Variants in TBC1D5 observed in about 807,000 individuals in gnomAD.
TBC1D5 encodes TBC1 domain family member 5, also known as TBC1 domain family, member 5.
In TBC1D5, 75 loss-of-function variants were observed where a neutral mutation model predicts 100.3. That is an observed-to-expected ratio of 0.75 (90% CI 0.62 to 0.91). The LOEUF (loss-of-function observed/expected upper bound fraction) is 0.91. Among genes scored for constraint, TBC1D5 ranks in the 40% least tolerant of loss-of-function variants. The probability of loss-of-function intolerance (pLI) is 0.00; values close to 1 mark genes in which losing one functional copy is unlikely to be tolerated. For synonymous variants in TBC1D5, 323 were observed against 325.6 expected, an observed-to-expected ratio of 0.99 and a Z score of 0.09; for missense variants, 910 against 942.4, an observed-to-expected ratio of 0.97 and a Z score of 0.45.
intron 1 of TBC1D5, among the ~76,000 whole-genome samples, chr3:17,627,660 G>GTT (rs796752243): frequency 2.5e-4 from 36 of 145,604 alleles, no homozygotes; most frequent in Admixed American, 2.2e-3. Context: ...AATATTCTGG[G>GTT]TTTTTTTTTT....
chr3:17,645,175 T>C (rs1294826265), intron 1 of TBC1D5, among the ~76,000 whole-genome samples: 1 of 152,118 alleles, frequency 6.6e-6, no homozygotes, highest in African/African-American at 2.4e-5. Flanking sequence ...GAAATGTCTA[T>C]TGGAGTAGAG....
At chr3:17,553,055 T>C (rs1324812063) in intron 2 of TBC1D5, among the ~76,000 whole-genome samples, 1 of 152,144 alleles carries the variant, frequency 6.6e-6, no homozygotes, top group Non-Finnish European at 1.5e-5. Context: ...ATTGACTACA[T>C]GATAGGTGTT....
chr3:17,363,840 G>A (rs1179877098), intron 13 of TBC1D5, among the ~76,000 whole-genome samples: 1 of 151,428 alleles, frequency 6.6e-6, no homozygotes, highest in African/African-American at 2.4e-5. Context: ...CCAAATTTAG[G>A]ACTCTATATA....
At chr3:17,651,526 T>C (rs939459543) in intron 1 of TBC1D5, among the ~76,000 whole-genome samples, 2 of 152,152 alleles carry the variant, frequency 1.3e-5, no homozygotes, top group Non-Finnish European at 2.9e-5. Flanking sequence ...CTGGCCAACA[T>C]GGTGAAACAC....
At chr3:17,201,689 G>T (rs897722795) in intron 18 of TBC1D5, among the ~76,000 whole-genome samples, 2 of 152,056 alleles carry the variant, frequency 1.3e-5, no homozygotes, top group African/African-American at 2.4e-5. Flanking sequence ...ATGAAATTTG[G>T]TTTTTAAAAG....
intron 4 of TBC1D5, among the ~76,000 whole-genome samples, chr3:17,421,915 C>G (rs1401322422): frequency 1.3e-5 from 2 of 152,068 alleles, no homozygotes; most frequent in Non-Finnish European, 2.9e-5. Context: ...GGCAATATAA[C>G]AAAATCAGAA....
intron 13 of TBC1D5, among the ~76,000 whole-genome samples, chr3:17,343,019 G>C (rs1158851557): frequency 1.3e-5 from 2 of 152,124 alleles, no homozygotes; most frequent in Non-Finnish European, 2.9e-5. Context: ...TAGGAGTGGT[G>C]AGAGAGGGCA....
At chr3:17,740,772 C>G (rs1037676277) in exon 1 of TBC1D5, 1 of 152,210 alleles carries the variant, frequency 6.6e-6, no homozygotes, top group African/African-American at 2.4e-5. Context: ...ATTTTCATCT[C>G]AGCTGTACAC....
intron 1 of TBC1D5, among the ~76,000 whole-genome samples, chr3:17,655,139 G>A (rs1191045083): frequency 1.3e-5 from 2 of 151,758 alleles, no homozygotes; most frequent in Non-Finnish European, 2.9e-5. Context: ...TTTTTGAAGG[G>A]TTTTTTGTGT....
At chr3:17,523,953 T>C (rs1477557211) in intron 2 of TBC1D5, among the ~76,000 whole-genome samples, 1 of 152,182 alleles carries the variant, frequency 6.6e-6, no homozygotes, top group Non-Finnish European at 1.5e-5. Context: ...AGTTTTTCTT[T>C]AAAGACTTTT....
chr3:17,485,307 T>TA (rs1221658782), intron 3 of TBC1D5, among the ~76,000 whole-genome samples: 2 of 147,752 alleles, frequency 1.4e-5, no homozygotes, highest in Non-Finnish European at 3.0e-5. Flanking sequence ...TATTTTATTT[T>TA]TTTTACATTT....
At chr3:17,634,289 A>G (rs1484973056) in intron 1 of TBC1D5, among the ~76,000 whole-genome samples, 1 of 152,232 alleles carries the variant, frequency 6.6e-6, no homozygotes, top group East Asian at 1.9e-4. Flanking sequence ...TTGTTACAAC[A>G]CTGTTCATGA....
chr3:17,182,271 A>AG (rs2125451783), intron 19 of TBC1D5, among the ~76,000 whole-genome samples: 1 of 152,320 alleles, frequency 6.6e-6, no homozygotes, highest in South Asian at 2.1e-4. Context: ...TATTTATATG[A>AG]GGGAAAAAAA....
intron 17 of TBC1D5, among the ~76,000 whole-genome samples, chr3:17,229,889 G>A (rs891202416): frequency 6.6e-6 from 1 of 152,114 alleles, no homozygotes; most frequent in Non-Finnish European, 1.5e-5. Context: ...TGAACGTAAA[G>A]GGCAAATTCT....
intron 17 of TBC1D5, among the ~76,000 whole-genome samples, chr3:17,229,495 A>G (rs955430470): frequency 2.0e-5 from 3 of 152,170 alleles, no homozygotes; most frequent in African/African-American, 7.2e-5. Context: ...TTAAGAAAAG[A>G]TAGATGTGTG....
At chr3:17,198,578 C>T (rs1559393280) in intron 18 of TBC1D5, among the ~76,000 whole-genome samples, 1 of 152,104 alleles carries the variant, frequency 6.6e-6, no homozygotes, top group Non-Finnish European at 1.5e-5. Flanking sequence ...TTTTATCTGG[C>T]AAACCTACCT....
intron 17 of TBC1D5, among the ~76,000 whole-genome samples, chr3:17,226,298 T>A (rs2074892928): frequency 7.0e-6 from 1 of 143,676 alleles, no homozygotes; most frequent in Non-Finnish European, 1.5e-5. Flanking sequence ...GGTTCCAAAG[T>A]TCTCTACATA....
At chr3:17,731,951 G>A (rs1198212815) in intron 1 of TBC1D5, among the ~76,000 whole-genome samples, 2 of 152,134 alleles carry the variant, frequency 1.3e-5, no homozygotes, top group Admixed American at 1.3e-4. Flanking sequence ...TTAAGAAGTG[G>A]AGTTATCCAG....
chr3:17,307,978 T>A lies in TBC1D5; in HGVS notation c.1138+14A>T, dbSNP rs1377272223. On this transcript the variant is annotated intron_variant, in intron 14 of 21. Transcript: ENST00000253692. ...AGTACCTAGTCAAATGTAGGAAAGGTCATTAATACTTACAAGCATCTCGGA... is the reference window on the plus strand; with the variant it reads ...AGTACCTAGTCAAATGTAGGAAAGGACATTAATACTTACAAGCATCTCGGA... 6.3e-7 allele frequency: 1 copy of A among 1,596,574 alleles called. No individual in the cohort carries two copies. Among genetic ancestry groups the A allele is most frequent in the Non-Finnish European group, 8.5e-7 (1 of 1,175,086 alleles).
Sources: allele counts gnomAD v4.1 joint callset (sites outside exome capture counted in the v4.1 genomes callset), GRCh38; gene constraint gnomAD v4.1.1; transcripts MANE v1.5; gene names NCBI Gene and HGNC (gene_info 2026-07-23, HGNC 2026-07-21).